The following COL25A1 variants were observed in gnomAD, a reference collection of about 807,000 sequenced individuals.
COL25A1 encodes collagen type XXV alpha 1 chain.
In COL25A1, 103 loss-of-function variants were observed where a neutral mutation model predicts 128.4. The ratio of observed to expected loss-of-function variants is 0.80; its 90% CI spans 0.68 to 0.94. COL25A1 has a LOEUF of 0.94. Ranked by LOEUF, COL25A1 falls within the 40% of genes least tolerant of loss-of-function variation. COL25A1 has a pLI of 0.00. For synonymous variants in COL25A1, 279 were observed against 277.2 expected, an observed-to-expected ratio of 1.01 and a Z score of -0.06; for missense variants, 745 against 840.0, an observed-to-expected ratio of 0.89 and a Z score of 1.40.
intron 37 of COL25A1, among the ~76,000 whole-genome samples, chr4:108,815,474 C>T (rs1731160565): frequency 6.6e-6 from 1 of 152,022 alleles, no homozygotes; most frequent in Non-Finnish European, 1.5e-5. Context: ...TCTTTCCTTT[C>T]TGGGGATGGG....
intron 32 of COL25A1, among the ~76,000 whole-genome samples, chr4:108,828,681 A>G (rs184107255): frequency 9.8e-5 from 15 of 152,302 alleles, no homozygotes; most frequent in African/African-American, 3.4e-4. Flanking sequence ...GCCATCTCCA[A>G]ATTGAAGTGT....
At chr4:109,132,722 T>G (rs1298201297) in intron 3 of COL25A1, among the ~76,000 whole-genome samples, 1 of 152,160 alleles carries the variant, frequency 6.6e-6, no homozygotes, top group African/African-American at 2.4e-5. Context: ...TAGTAAGTAA[T>G]GACATAGATT....
At chr4:108,962,191 TTTTC>T (rs1471906833) in intron 8 of COL25A1, among the ~76,000 whole-genome samples, 1 of 135,044 alleles carries the variant, frequency 7.4e-6, no homozygotes, top group Non-Finnish European at 1.7e-5. Context: ...GATTCTTTTT[TTTTC>T]TTTTTTTTTT....
intron 17 of COL25A1, 33 bp from the exon 18 acceptor site, chr4:108,889,289 G>T (rs1741189321): frequency 6.2e-7 from 1 of 1,611,876 alleles, no homozygotes; most frequent in Non-Finnish European, 8.5e-7. Flanking sequence ...GAAAAACACA[G>T]TCTTAAAAGA....
At chr4:109,007,452 T>G (rs1419822377) in intron 6 of COL25A1, among the ~76,000 whole-genome samples, 1 of 152,126 alleles carries the variant, frequency 6.6e-6, no homozygotes. Flanking sequence ...GCCAGACTTT[T>G]CCTTGGGGAC....
chr4:108,961,662 A>G (rs991377905), intron 8 of COL25A1, among the ~76,000 whole-genome samples: 2 of 135,656 alleles, frequency 1.5e-5, no homozygotes, highest in African/African-American at 5.4e-5. Context: ...GTGTTTGGGC[A>G]TCACTCCCTC....
At position 109,076,417 on chromosome 4, in the gene COL25A1, C is replaced by T. The variant is rs1197640929; in HGVS notation, c.368-26238G>A. On this transcript the variant is annotated intron_variant, in intron 3 of 37. Coordinates refer to ENST00000399132, the MANE Select transcript of COL25A1 (RefSeq NM_198721.4). ...ATGTATTAATCAATTTATCACTTAT[C>T]GAGTGCTTTTTATGTGCTAACCCTG... 4.6e-5 allele frequency among the ~76,000 whole-genome samples: 7 copies of T among 152,056 alleles called. No homozygotes were observed. The East Asian group carries it at 7.7e-4, about 17-fold the overall frequency.
intron 32 of COL25A1, among the ~76,000 whole-genome samples, chr4:108,829,273 C>A (rs1381359310): frequency 2.6e-5 from 4 of 152,056 alleles, no homozygotes. Context: ...GAGTTCAAGG[C>A]AGGAGGATCA....
chr4:109,000,200 A>T (rs1755212164), intron 6 of COL25A1, among the ~76,000 whole-genome samples: 1 of 152,180 alleles, frequency 6.6e-6, no homozygotes, highest in Non-Finnish European at 1.5e-5. Flanking sequence ...AGGAAACTGG[A>T]GGAAGGAAAT....
chr4:109,229,240 A>G (rs1179988845), intron 3 of COL25A1, among the ~76,000 whole-genome samples: 1 of 152,212 alleles, frequency 6.6e-6, no homozygotes, highest in African/African-American at 2.4e-5. Context: ...CAACATGACA[A>G]ACTTATTCTT....
At chr4:108,974,309 C>A in intron 8 of COL25A1, 58 bp downstream of exon 8, 2 of 1,581,972 alleles carry the variant, frequency 1.3e-6, no homozygotes, top group Non-Finnish European at 8.7e-7. Flanking sequence ...TACTTTCATT[C>A]AATAAACTTG....
rs1241304142 is a variant in COL25A1 at position 108,949,661 on chromosome 4, G to A, written c.493-8224C>T. The stretch of plus-strand genomic sequence containing the variant: ...TGATTCTCCTGCCTCAGCCCCTCAA[G>A]TAGCTGGAACTAAAGGCGTGTGCCA... On this transcript the variant is annotated intron_variant, in intron 8 of 37. Transcript: ENST00000399132. Among the ~76,000 whole-genome samples the A allele has an allele frequency of 3.3e-5, 5 of 152,018 alleles. No individual in the cohort carries two copies. In the East Asian group the frequency reaches 7.8e-4, roughly 24 times the overall value.
intron 8 of COL25A1, among the ~76,000 whole-genome samples, chr4:108,949,449 C>T (rs1749140025): frequency 6.6e-6 from 1 of 152,010 alleles, no homozygotes; most frequent in Non-Finnish European, 1.5e-5. Flanking sequence ...CTTGCCCACC[C>T]AATTGTAAGT....
chr4:109,271,714 C>T (rs1465808756), intron 3 of COL25A1, among the ~76,000 whole-genome samples: 1 of 152,162 alleles, frequency 6.6e-6, no homozygotes, highest in Non-Finnish European at 1.5e-5. Context: ...ACCCTGAACA[C>T]CACAGTGATT....
chr4:108,843,675 A>G (rs1734728729), intron 30 of COL25A1, among the ~76,000 whole-genome samples: 1 of 152,202 alleles, frequency 6.6e-6, no homozygotes, highest in South Asian at 2.1e-4. Context: ...AAGAAGGAAG[A>G]TCTAACAATA....
chr4:109,036,348 C>T (rs1759352318), intron 5 of COL25A1, among the ~76,000 whole-genome samples: 2 of 152,094 alleles, frequency 1.3e-5, no homozygotes, highest in South Asian at 4.1e-4. Flanking sequence ...GGAATAAATT[C>T]TCATTTTCCA....
At chr4:109,005,154 T>C (rs978818491) in intron 6 of COL25A1, among the ~76,000 whole-genome samples, 2 of 152,134 alleles carry the variant, frequency 1.3e-5, no homozygotes, top group Non-Finnish European at 2.9e-5. Context: ...GGAAGCTTCC[T>C]TGCCAATCAT....
chr4:108,846,423 T>C (rs1161459702), intron 27 of COL25A1, among the ~76,000 whole-genome samples: 2 of 152,228 alleles, frequency 1.3e-5, no homozygotes, highest in Admixed American at 1.3e-4. Flanking sequence ...ATGAAATAGA[T>C]TAAGTTCTAT....
rs1735074401 is a variant in COL25A1, at chr4:108,846,194, A to T, written c.1460T>A (p.Met487Lys). The T allele has an allele frequency of 6.2e-7, 1 of 1,613,052 alleles. No individual in the cohort carries two copies. The highest frequency in any genetic ancestry group is 1.1e-5 in the South Asian group (1 of 91,048). ...TTCACCTGTCATACCTGGGTCCCCC[A>T]TGTCTCCCTTTGAGCCTTTGAGTCC... ...EQGLKGSKGD[M>K]GDPGMTGEKG... is the part of the protein sequence containing the mutation. The change falls in exon 28 of 38, where the codon ATG (methionine) becomes AAG (lysine). Residue 487 changes from methionine to lysine, a missense_variant. Around this residue, in one of 3 missense-constraint regions of COL25A1, gnomAD observed 387 missense variants for 441.9 expected, o/e 0.88. Coordinates refer to ENST00000399132, the MANE Select transcript of COL25A1 (RefSeq NM_198721.4).
Sources: gnomAD v4.1 joint callset for allele counts (sites outside exome capture counted in the v4.1 genomes callset) on GRCh38, gnomAD v4.1.1 for gene constraint, gnomAD v4.1.1 regional missense constraint, MANE v1.5 for transcripts, NCBI Gene and HGNC (gene_info 2026-07-23, HGNC 2026-07-21) for gene names.